The following CHN1 variants were observed in gnomAD, a reference collection of about 807,000 sequenced individuals.
CHN1 encodes chimerin 1.
Under a neutral mutation model 59.5 loss-of-function variants are expected in CHN1, and 37 were observed. The observed-to-expected ratio is 0.62, with a 90% CI of 0.48 to 0.82. The LOEUF (loss-of-function observed/expected upper bound fraction) is 0.82. Among genes scored for constraint, CHN1 ranks in the 40% least tolerant of loss-of-function variants. The probability of loss-of-function intolerance (pLI) is 0.00; values close to 1 mark genes in which losing one functional copy is unlikely to be tolerated. For missense variants in CHN1, 469 were observed against 571.0 expected (o/e 0.82, Z 1.82); for synonymous variants, 206 against 200.4 (o/e 1.03, Z -0.24).
intron 2 of CHN1, among the ~76,000 whole-genome samples, chr2:174,950,958 T>A (rs758367500): frequency 9.2e-5 from 14 of 151,968 alleles, no homozygotes; most frequent in Non-Finnish European, 1.5e-5. Flanking sequence ...TTTTGTATTT[T>A]CAGTAGAGAT....
intron 5 of CHN1, among the ~76,000 whole-genome samples, chr2:174,895,083 A>G (rs1688173846): frequency 6.7e-6 from 1 of 148,902 alleles, no homozygotes; most frequent in South Asian, 2.1e-4. Context: ...AGGGTTTAGT[A>G]CTATCCACAG....
At chr2:174,993,008 T>C (rs906365987) in intron 1 of CHN1, among the ~76,000 whole-genome samples, 2 of 152,168 alleles carry the variant, frequency 1.3e-5, no homozygotes, top group African/African-American at 4.8e-5. Flanking sequence ...CAGGCTGCTC[T>C]TGAATTCCTG....
chr2:174,813,174 A>G (rs973371980), intron 8 of CHN1, among the ~76,000 whole-genome samples: 1 of 152,252 alleles, frequency 6.6e-6, no homozygotes, highest in Non-Finnish European at 1.5e-5. Context: ...GAGAAAACCA[A>G]ACACAGAAGT....
intron 5 of CHN1, among the ~76,000 whole-genome samples, chr2:174,883,444 T>C (rs1044179253): frequency 4.6e-5 from 7 of 152,160 alleles, no homozygotes; most frequent in Middle Eastern, 3.2e-3. Flanking sequence ...CCTTTCCTGA[T>C]AGGAGACTGA....
intron 5 of CHN1, among the ~76,000 whole-genome samples, chr2:174,884,682 G>C (rs1313340634): frequency 6.6e-6 from 1 of 152,044 alleles, no homozygotes; most frequent in African/African-American, 2.4e-5. Context: ...ATCCATAAAT[G>C]GCCAAACCCA....
At chr2:174,961,151 G>A (rs1372485313) in intron 1 of CHN1, among the ~76,000 whole-genome samples, 2 of 143,078 alleles carry the variant, frequency 1.4e-5, no homozygotes, top group Non-Finnish European at 3.1e-5. Flanking sequence ...GGAAGGGAGG[G>A]AGGGAGGCAG....
intron 6 of CHN1, among the ~76,000 whole-genome samples, chr2:174,873,669 T>A (rs561185452): frequency 3.9e-5 from 6 of 152,208 alleles, no homozygotes; most frequent in Non-Finnish European, 8.8e-5. Context: ...TATGGCAGTT[T>A]TGGGCAAGGA....
rs367710875 is a variant in CHN1 at position 174,851,381 on chromosome 2, T to C, written c.550-4424A>G. On this transcript the variant is annotated intron_variant, in intron 6 of 12. Transcript: ENST00000409900. ...TGCAGCCTCAACCTCCTGGGCTCCATTGATCCTCCCACCTCAGCCTCCTGA... is the reference window on the plus strand; with the variant it reads ...TGCAGCCTCAACCTCCTGGGCTCCACTGATCCTCCCACCTCAGCCTCCTGA... Among the ~76,000 whole-genome samples, 43 of 152,196 alleles carry C rather than the reference T, an allele frequency of 2.8e-4. 2 individuals are homozygous for C. Among genetic ancestry groups the C allele is most frequent in the Middle Eastern group, 3.4e-3 (1 of 292 alleles).
chr2:174,993,074 GCCA>G lies in CHN1; in HGVS notation c.19+11817_19+11819del, dbSNP rs149302061. Among the ~76,000 whole-genome samples the G allele has an allele frequency of 3.3e-3, 497 of 152,198 alleles. 5 individuals are homozygous for G. The highest frequency in any genetic ancestry group is 0.011 in the African/African-American group (455 of 41,520). ...CAAACTGCTGCGATTACAGGCATGA[GCCA>G]CCACACCTGGCTCCAATCACTTGCT... On this transcript the variant is annotated intron_variant, in intron 1 of 12. Transcript: ENST00000409900.
chr2:174,848,813 T>C (rs1205532742), intron 6 of CHN1, among the ~76,000 whole-genome samples: 1 of 152,206 alleles, frequency 6.6e-6, no homozygotes, highest in Non-Finnish European at 1.5e-5. Context: ...ACATAGGAGT[T>C]TCAATTTCAT....
chr2:174,953,917 T>C (rs951471854), intron 1 of CHN1, among the ~76,000 whole-genome samples: 1 of 152,194 alleles, frequency 6.6e-6, no homozygotes, highest in Non-Finnish European at 1.5e-5. Flanking sequence ...ACCACCATTA[T>C]TCTTCACAGA....
chr2:174,992,338 A>G (rs1041917609), intron 1 of CHN1, among the ~76,000 whole-genome samples: 2 of 152,220 alleles, frequency 1.3e-5, no homozygotes, highest in Admixed American at 6.5e-5. Flanking sequence ...AATCATTCAC[A>G]CGGTGTTCAC....
chr2:174,823,769 A>G (rs1278783164), intron 8 of CHN1, among the ~76,000 whole-genome samples: 1 of 152,188 alleles, frequency 6.6e-6, no homozygotes, highest in Admixed American at 6.5e-5. Context: ...ACTTTATTTC[A>G]CAAAGTATCT....
chr2:174,923,725 ACT>A (rs935999248), intron 3 of CHN1, among the ~76,000 whole-genome samples: 2 of 152,178 alleles, frequency 1.3e-5, no homozygotes, highest in African/African-American at 4.8e-5. Flanking sequence ...CAAGACAAAT[ACT>A]GATTATTTAT....
At chr2:174,886,956 C>A (rs2105342862) in intron 5 of CHN1, among the ~76,000 whole-genome samples, 1 of 152,298 alleles carries the variant, frequency 6.6e-6, no homozygotes, top group South Asian at 2.1e-4. Flanking sequence ...ATTTCCAATA[C>A]CTCCAATGGC....
intron 5 of CHN1, among the ~76,000 whole-genome samples, chr2:174,911,588 A>G (rs1187629136): frequency 6.6e-6 from 1 of 152,216 alleles, no homozygotes; most frequent in Non-Finnish European, 1.5e-5. Flanking sequence ...TGGGGCATGG[A>G]AGAAGATGCA....
chr2:174,980,652 C>T (rs1476407234), intron 1 of CHN1, among the ~76,000 whole-genome samples: 2 of 152,124 alleles, frequency 1.3e-5, no homozygotes, highest in East Asian at 1.9e-4. Context: ...GATGAAGATG[C>T]TCTGTTTTTC....
At chr2:175,003,662 A>G (rs1691960958) in intron 1 of CHN1, among the ~76,000 whole-genome samples, 3 of 152,224 alleles carry the variant, frequency 2.0e-5, no homozygotes, top group Non-Finnish European at 4.4e-5. Flanking sequence ...CAGAAAAAGA[A>G]GACACTTTTT....
intron 3 of CHN1, among the ~76,000 whole-genome samples, chr2:174,925,118 C>A (rs139182412): frequency 8.3e-4 from 126 of 152,284 alleles, no homozygotes; most frequent in African/African-American, 3.0e-3. Context: ...AGGTCTCCCA[C>A]CAACTAAATG....
Sources: allele counts gnomAD v4.1 joint callset (sites outside exome capture counted in the v4.1 genomes callset), GRCh38; gene constraint gnomAD v4.1.1; transcripts MANE v1.5; gene names NCBI Gene and HGNC (gene_info 2026-07-23, HGNC 2026-07-21).